Variants in SUGP1 observed in about 807,000 individuals in gnomAD.
The protein encoded by SUGP1 is SURP and G-patch domain-containing protein 1.
Under a neutral mutation model 76.5 loss-of-function variants are expected in SUGP1, and 34 were observed. The ratio of observed to expected loss-of-function variants is 0.44; its 90% CI spans 0.34 to 0.59. The LOEUF (loss-of-function observed/expected upper bound fraction) is 0.59, where lower values mean the gene tolerates loss of function less well. Ranked by LOEUF, SUGP1 falls within the 20% of genes least tolerant of loss-of-function variation. SUGP1 has a pLI of 0.01. For synonymous variants in SUGP1, 326 were observed against 326.2 expected (o/e 1.00, Z 0.01); for missense variants, 752 against 851.7 (o/e 0.88, Z 1.46).
intron 7 of SUGP1, 94 bp from the exon 8 acceptor site, chr19:19,297,438 T>C (rs981271561): frequency 1.5e-5 from 11 of 744,100 alleles, no homozygotes; most frequent in African/African-American, 4.4e-5. Context: ...TGTGCCCACG[T>C]TGGCCAGGGT....
intron 8 of SUGP1, among the ~76,000 whole-genome samples, chr19:19,294,103 A>G (rs1028100405): frequency 1.3e-5 from 2 of 151,958 alleles, no homozygotes; most frequent in Non-Finnish European, 2.9e-5. Flanking sequence ...AGGAGAATCA[A>G]TTGAGCCCGG....
chr19:19,280,352 C>A lies in SUGP1; in HGVS notation c.1244-61G>T, dbSNP rs981888449. 6.2e-6 allele frequency: 9 copies of A among 1,456,622 alleles called. No homozygotes were observed. The African/African-American group carries it at 8.3e-5, about 14-fold the overall frequency. The allele number at this position is 1,456,622 out of a possible 1,614,324, so 90.2% of individuals were successfully genotyped here. A position where few individuals can be genotyped will look rare whatever the true frequency, so the allele number is the denominator to read the frequency against. ...CAGGTGCACCCCGATCTCGCTCCTG[C>A]GCTGGGGTGTGCTGTGAGTCTCACA... is the stretch of plus-strand genomic sequence containing the variant. On this transcript the variant is annotated intron_variant, in intron 8 of 13. Transcript: ENST00000247001.
intron 8 of SUGP1, among the ~76,000 whole-genome samples, chr19:19,292,477 A>G (rs1224536777): frequency 2.0e-5 from 3 of 151,934 alleles, no homozygotes; most frequent in African/African-American, 7.3e-5. Flanking sequence ...CAACATGGGC[A>G]GATCACTTGA....
intron 9 of SUGP1, 30 bp downstream of exon 9, chr19:19,280,155 G>A: frequency 1.2e-6 from 2 of 1,603,634 alleles, no homozygotes; most frequent in Non-Finnish European, 1.7e-6. Flanking sequence ...CGCCGACCAT[G>A]TCCCCGTCCC....
At chr19:19,278,820 A>G in intron 10 of SUGP1, 24 bp from the exon 11 acceptor site, 1 of 1,600,676 alleles carries the variant, frequency 6.2e-7, no homozygotes, top group South Asian at 1.1e-5. Context: ...CAGAAAGGTG[A>G]GAAGAGGGAG....
In SUGP1 at chr19:19,277,183, C is replaced by A; in HGVS notation, c.1782-107G>T. ...CACCTCCCGCGGGTGCAGGGCTGGG[C>A]TGGGACATATCTGCACAGAGAGAAG... On this transcript the variant is annotated intron_variant, in intron 12 of 13. Transcript: ENST00000247001. The A allele has an allele frequency of 1.7e-6, 2 of 1,194,676 alleles. 1 individual carries two copies. The allele number at this position is 1,194,676 out of a possible 1,614,324, so 74.0% of individuals were successfully genotyped here.
chr19:19,294,523 A>AAAG (rs2061210117), intron 8 of SUGP1, among the ~76,000 whole-genome samples: 1 of 151,832 alleles, frequency 6.6e-6, no homozygotes, highest in Non-Finnish European at 1.5e-5. Flanking sequence ...AAAAAAAAAA[A>AAAG]AAAACCCAAA....
intron 1 of SUGP1, among the ~76,000 whole-genome samples, chr19:19,319,091 C>T (rs1189892672): frequency 1.3e-5 from 2 of 151,666 alleles, no homozygotes; most frequent in South Asian, 2.1e-4. Flanking sequence ...GTGCGGTGGC[C>T]GGCGCCTGTA....
Position 19,305,980 on chromosome 19 carries a change from A to AGCCC in SUGP1, c.403_406dup (p.Leu136ArgfsTer31). 6.2e-7 allele frequency: 1 copy of AGCCC among 1,611,954 alleles called. No individual in the cohort carries two copies. Among genetic ancestry groups the AGCCC allele is most frequent in the Non-Finnish European group, 8.5e-7 (1 of 1,179,784 alleles). On this transcript the variant is annotated frameshift_variant, in exon 4 of 14. Transcript: ENST00000247001. LOFTEE classifies it high-confidence loss of function. ...CTTCACAGGGCCCGGCAGGCTGGCC[A>AGCCC]GCCCCAGGCCTGTCCGCCTGCTGAT...
intron 4 of SUGP1, 41 bp downstream of exon 4, chr19:19,305,808 C>T (rs957337567): frequency 6.5e-6 from 10 of 1,541,518 alleles, no homozygotes; most frequent in East Asian, 4.5e-5. Flanking sequence ...TGCTAGAGCA[C>T]GGGCACTGGT....
intron 3 of SUGP1, 64 bp downstream of exon 3, chr19:19,310,033 T>C (rs1599869347): frequency 7.4e-7 from 1 of 1,348,320 alleles, no homozygotes; most frequent in Non-Finnish European, 1.1e-6. Context: ...TCACTTCCCA[T>C]GTGCCCAGCA....
In SUGP1 at chr19:19,277,395, GCTC is replaced by G. The variant is rs1356989424; in HGVS notation, c.1782-322_1782-320del. 4.6e-5 allele frequency among the ~76,000 whole-genome samples: 7 copies of G among 152,276 alleles called. No homozygotes were observed. In the South Asian group the frequency reaches 1.2e-3, roughly 27 times the overall value. ...CGGGGCCAGGGTCACACCTGGGAGAGCTCCTGCCCATCTCTGGGAGTGGTTTCG... is the reference window on the plus strand; with the variant it reads ...CGGGGCCAGGGTCACACCTGGGAGAGCTGCCCATCTCTGGGAGTGGTTTCG... On this transcript the variant is annotated intron_variant, in intron 12 of 13. Coordinates refer to ENST00000247001, the MANE Select transcript of SUGP1 (RefSeq NM_172231.4).
At chr19:19,281,691 C>G (rs2061100139) in intron 8 of SUGP1, among the ~76,000 whole-genome samples, 2 of 152,164 alleles carry the variant, frequency 1.3e-5, no homozygotes, top group Non-Finnish European at 2.9e-5. Flanking sequence ...GTGTGTTGAG[C>G]GCCAGTGAAG....
In SUGP1 at chr19:19,315,540, C is replaced by G. The variant is rs73539469; in HGVS notation, c.206+882G>C. On this transcript the variant is annotated intron_variant, in intron 2 of 13. Transcript: ENST00000247001. ...TTTCTCAGGACAGGCAAGTGGAAAC[C>G]CTTGCTGAGCTATCATCCACCTGCC... Among the ~76,000 whole-genome samples the G allele has an allele frequency of 7.0e-3, 1,068 of 152,252 alleles. 15 individuals are homozygous for G. Among genetic ancestry groups the G allele is most frequent in the African/African-American group, 0.024 (979 of 41,548 alleles).
chr19:19,304,083 A>G, intron 4 of SUGP1: 5 of 1,470,868 alleles, frequency 3.4e-6, no homozygotes, highest in Non-Finnish European at 4.5e-6. Flanking sequence ...GGTGAGCTCC[A>G]GGCTGGAAGC....
intron 2 of SUGP1, among the ~76,000 whole-genome samples, chr19:19,315,909 G>A (rs1380871316): frequency 2.6e-5 from 4 of 151,636 alleles, no homozygotes; most frequent in African/African-American, 9.7e-5. Flanking sequence ...TCAACTCACT[G>A]CAACCTTTGC....
chr19:19,285,170 A>G (rs1470519574), intron 8 of SUGP1, among the ~76,000 whole-genome samples: 2 of 151,298 alleles, frequency 1.3e-5, no homozygotes, highest in East Asian at 3.9e-4. Context: ...CCCAGCCTCA[A>G]ACAGGTTTAT....
chr19:19,305,523 G>A lies in SUGP1; in HGVS notation c.538+326C>T, dbSNP rs2061309278. On this transcript the variant is annotated intron_variant, in intron 4 of 13. Transcript: ENST00000247001. The stretch of plus-strand genomic sequence containing the variant: ...AGCCTTAGAAGCTCCTCCTAGAAGG[G>A]ATGTGAGGATGCCCTTTTGGAGCAA... 1.7e-5 allele frequency: 4 copies of A among 235,820 alleles called. 1 individual carries two copies. The South Asian group carries it at 3.1e-4, about 18-fold the overall frequency. 14.6% of individuals were successfully genotyped at this position (235,820 alleles called of 1,614,324 possible).
intron 8 of SUGP1, 31 bp from the exon 9 acceptor site, chr19:19,280,322 C>T (rs1208089401): frequency 1.3e-6 from 2 of 1,597,872 alleles, no homozygotes. Flanking sequence ...GTAGTCAGAG[C>T]CTGACAGGTG....
Sources: gnomAD v4.1 joint callset for allele counts (sites outside exome capture counted in the v4.1 genomes callset) on GRCh38, gnomAD v4.1.1 for gene constraint, MANE v1.5 for transcripts, NCBI Gene and HGNC (gene_info 2026-07-23, HGNC 2026-07-21) for gene names.